The following EIF3A variants were observed in gnomAD, a reference collection of about 807,000 sequenced individuals.
The protein encoded by EIF3A is eukaryotic translation initiation factor 3 subunit A, also known as EIF3, p180 subunit.
Under a neutral mutation model 186.6 loss-of-function variants are expected in EIF3A, and 21 were observed. That is an observed-to-expected ratio of 0.11 (90% confidence interval 0.08 to 0.16). EIF3A has a LOEUF of 0.16. EIF3A is among the 10% of genes least tolerant of loss of function. The probability of loss-of-function intolerance (pLI) is 1.00; values close to 1 mark genes in which losing one functional copy is unlikely to be tolerated. For missense variants in EIF3A, 1,306 were observed against 1,796.3 expected (o/e 0.73, Z 4.93); for synonymous variants, 563 against 584.3 (o/e 0.96, Z 0.52).
intron 18 of EIF3A, 146 bp downstream of exon 18, chr10:119,043,906 CAA>C (rs1848248618): frequency 1.6e-6 from 1 of 642,918 alleles, no homozygotes; most frequent in African/African-American, 1.8e-5. Flanking sequence ...CCCAAAAAAA[CAA>C]AATACAAACC....
At chr10:119,037,514 A>G (rs1483412358) in intron 20 of EIF3A, among the ~76,000 whole-genome samples, 2 of 152,210 alleles carry the variant, frequency 1.3e-5, no homozygotes, top group East Asian at 1.9e-4. Flanking sequence ...GCCACTACCC[A>G]TATGTGGTTA....
At chr10:119,036,803 G>C (rs1322856573) in intron 21 of EIF3A, among the ~76,000 whole-genome samples, 1 of 152,142 alleles carries the variant, frequency 6.6e-6, no homozygotes, top group African/African-American at 2.4e-5. Flanking sequence ...CAATTTCAGA[G>C]AAAATGTTTC....
Position 119,069,599 on chromosome 10 carries a change from G to A in EIF3A, c.797C>T (p.Pro266Leu). 1.2e-6 allele frequency: 2 copies of A among 1,602,084 alleles called. No homozygotes were observed. Among genetic ancestry groups the A allele is most frequent in the Non-Finnish European group, 1.7e-6 (2 of 1,169,184 alleles). The change falls in exon 6 of 22, where the codon CCA (proline) becomes CTA (leucine). Residue 266 changes from proline to leucine, a missense_variant. Physicochemically the swap from Pro to Leu is moderately conservative, Grantham distance 98. Transcript: ENST00000369144. ...ATTTGCCATCAACTGAGGTTTAGGT[G>A]GTTTTTTAGACAAGGAGAATAGCCC... Reference protein sequence around the residue: ...IHGLFSLSKKPPKPQLMANYY... With the variant: ...IHGLFSLSKKLPKPQLMANYY...
At chr10:119,074,918 CA>C (rs1170284096) in intron 1 of EIF3A, among the ~76,000 whole-genome samples, 1,283 of 24,240 alleles carry the variant, frequency 0.053, 1 homozygote, top group African/African-American at 0.15. Flanking sequence ...AACTCCAACT[CA>C]AAAAAAAAAA....
intron 9 of EIF3A, 170 bp from the exon 10 acceptor site, chr10:119,059,888 C>G: frequency 4.6e-6 from 3 of 652,078 alleles, no homozygotes; most frequent in Middle Eastern, 8.9e-4. Flanking sequence ...AAACTCCATG[C>G]TTTGAGAACC....
Position 119,065,443 on chromosome 10 carries a change from C to G in EIF3A, c.1078G>C (p.Gly360Arg). 1 of 1,613,734 alleles carries G rather than the reference C, an allele frequency of 6.2e-7. No homozygotes were observed. The highest frequency in any genetic ancestry group is 8.5e-7 in the Non-Finnish European group (1 of 1,179,782). The change falls in exon 7 of 22, where the codon GGT becomes CGT. Residue 360 changes from glycine (G) to arginine (R), a missense_variant. This residue lies in a region of EIF3A where 267 missense variants were observed against 367.8 expected (regional missense o/e 0.73). Transcript: ENST00000369144. The part of the protein sequence containing the change: ...EKQRRLATLL[G>R]LQAPPTRIGL... The stretch of plus-strand genomic sequence containing the variant: ...ATTCGTGTCGGTGGGGCTTGAAGAC[C>G]TAGTAGTGTTGCAAGGCGACGCTGT...
At chr10:119,067,835 G>T (rs1452991818) in intron 6 of EIF3A, among the ~76,000 whole-genome samples, 1 of 151,878 alleles carries the variant, frequency 6.6e-6, no homozygotes, top group African/African-American at 2.4e-5. Context: ...TTTTGAGATG[G>T]AGTCTTGCTC....
At chr10:119,053,583 G>A (rs1332369534) in intron 14 of EIF3A, among the ~76,000 whole-genome samples, 3 of 146,610 alleles carry the variant, frequency 2.0e-5, no homozygotes, top group Non-Finnish European at 4.5e-5. Context: ...AAAAAAGCTA[G>A]GCATGGTGGT....
intron 13 of EIF3A, 33 bp downstream of exon 13, chr10:119,056,903 G>GT: frequency 6.3e-7 from 1 of 1,583,754 alleles, no homozygotes. Context: ...TCTTAACTTG[G>GT]TATGTTAAAG....
chr10:119,068,971 C>CA (rs59413780), intron 6 of EIF3A, among the ~76,000 whole-genome samples: 22,015 of 98,868 alleles, frequency 0.22, 2,230 homozygotes, highest in African/African-American at 0.31. Flanking sequence ...CTCTGTCTTG[C>CA]AAAAAAAAAA....
rs1848223129 is a variant in EIF3A at position 119,042,460 on chromosome 10, T to A, written c.3060A>T (p.Arg1020=). Residue 1020 remains arginine (R), a synonymous_variant, in exon 19 of 22, where the codon CGA becomes CGT. Coordinates refer to ENST00000369144, the MANE Select transcript of EIF3A (RefSeq NM_003750.4). This position sits in a 1 kb window ranked among gnomAD's most constrained non-coding sequence, Gnocchi z 7.8. ...AGCTTCCTCTGTCCTCATCCAGTCCTCGTCTAGGTGGTCTGTCATCATCCG... is the reference window on the plus strand; with the variant it reads ...AGCTTCCTCTGTCCTCATCCAGTCCACGTCTAGGTGGTCTGTCATCATCCG... ...RHADDDRPPR[R]GLDEDRGSWR... The A allele has an allele frequency of 3.1e-6, 5 of 1,613,998 alleles. No individual in the cohort carries two copies. In the East Asian group the frequency reaches 1.1e-4, roughly 36 times the overall value.
intron 9 of EIF3A, among the ~76,000 whole-genome samples, 157 bp downstream of exon 9, chr10:119,060,586 TATA>T (rs1254044513): frequency 6.6e-6 from 1 of 152,228 alleles, no homozygotes; most frequent in African/African-American, 2.4e-5. Context: ...AATATGTAAA[TATA>T]ATAATTCTGA....
rs1265180345 is a variant in EIF3A, at chr10:119,042,527, G to C, written c.2993C>G (p.Pro998Arg). 1 of 1,613,962 alleles carries C rather than the reference G, an allele frequency of 6.2e-7. No individual in the cohort carries two copies. Among genetic ancestry groups the C allele is most frequent in the Admixed American group, 1.7e-5 (1 of 59,996 alleles). Residue 998 changes from proline to arginine, a missense_variant, in exon 19 of 22, where the codon CCC (proline) becomes CGC (arginine). Coordinates refer to ENST00000369144, the MANE Select transcript of EIF3A (RefSeq NM_003750.4). The surrounding 1 kb of genome is among the most constrained non-coding windows in gnomAD (Gnocchi z 7.8). The part of the protein sequence containing the change: ...SWRNTDDDRP[P>R]RRIADEDRGN... The stretch of plus-strand genomic sequence containing the variant: ...CCTGTCTTCATCGGCAATTCGTCTG[G>C]GAGGCCTGTCATCATCTGTGTTACG...
At chr10:119,066,033 A>G (rs967388210) in intron 6 of EIF3A, among the ~76,000 whole-genome samples, 54 of 150,388 alleles carry the variant, frequency 3.6e-4, no homozygotes, top group Admixed American at 3.2e-3. Flanking sequence ...GGAGAATCGC[A>G]TGAACCCGGG....
At position 119,060,809 on chromosome 10, in the gene EIF3A, T is replaced by A. The variant is rs200274500; in HGVS notation, c.1263A>T (p.Glu421Asp). 4.3e-6 allele frequency: 7 copies of A among 1,612,312 alleles called. No homozygotes were observed. The East Asian group carries it at 1.6e-4, about 36-fold the overall frequency. ...GTGGCACATACTGCTGCAATTCCGGTTCCTTTTCAGGTTGTTCCCTAACCC... is the reference window on the plus strand; with the variant it reads ...GTGGCACATACTGCTGCAATTCCGGATCCTTTTCAGGTTGTTCCCTAACCC... ...LNWVREQPEK[E>D]PELQQYVPQL... Residue 421 changes from glutamate to aspartate, a missense_variant, in exon 9 of 22, where the codon GAA becomes GAT. Physicochemically the swap from Glu to Asp is conservative, Grantham distance 45. Coordinates refer to ENST00000369144, the MANE Select transcript of EIF3A (RefSeq NM_003750.4).
chr10:119,050,153 C>T (rs896014315), intron 16 of EIF3A, among the ~76,000 whole-genome samples, 168 bp from the exon 17 acceptor site: 2 of 152,116 alleles, frequency 1.3e-5, no homozygotes, highest in East Asian at 3.8e-4. Flanking sequence ...ATAAGTACTA[C>T]ACCCCTCAAC....
chr10:119,037,062 C>A (rs948744028), intron 21 of EIF3A, 57 bp downstream of exon 21: 12 of 226,012 alleles, frequency 5.3e-5, no homozygotes, highest in East Asian at 1.6e-4. Context: ...AACCCAAATC[C>A]CCCCCCCCCC....
At chr10:119,055,358 T>C (rs1197297522) in intron 14 of EIF3A, among the ~76,000 whole-genome samples, 1 of 152,170 alleles carries the variant, frequency 6.6e-6, no homozygotes, top group Admixed American at 6.5e-5. Flanking sequence ...TGAGTGTGGT[T>C]CGTGGCACCC....
intron 17 of EIF3A, among the ~76,000 whole-genome samples, chr10:119,049,493 CA>C (rs67696743): frequency 8.9e-5 from 10 of 112,736 alleles, no homozygotes; most frequent in African/African-American, 2.4e-4. Context: ...GACTCTGTCT[CA>C]AAAAAAAAAA....
Sources: allele counts gnomAD v4.1 joint callset (sites outside exome capture counted in the v4.1 genomes callset), GRCh38; gene constraint gnomAD v4.1.1; regional missense constraint gnomAD v4.1.1; non-coding constraint Gnocchi (gnomAD v3.1); transcripts MANE v1.5; gene names NCBI Gene and HGNC (gene_info 2026-07-23, HGNC 2026-07-21).